KMT5B: variants seen among roughly 807,000 people sequenced by gnomAD.
The protein encoded by KMT5B is lysine methyltransferase 5B.
In KMT5B, 10 loss-of-function variants were observed where a neutral mutation model predicts 83.2. That is an observed-to-expected ratio of 0.12 (90% CI 0.07 to 0.20). KMT5B has a LOEUF of 0.20. Ranked by LOEUF, KMT5B falls within the 10% of genes least tolerant of loss-of-function variation. KMT5B has a pLI of 1.00. For missense variants in KMT5B, 753 were observed against 1,067.2 expected, an observed-to-expected ratio of 0.71 and a Z score of 4.10; for synonymous variants, 349 against 388.8, an observed-to-expected ratio of 0.90 and a Z score of 1.20.
In KMT5B at chr11:68,158,659, C is replaced by T; in HGVS notation, c.1687G>A (p.Gly563Ser). 1 of 1,614,076 alleles carries T rather than the reference C, an allele frequency of 6.2e-7. No individual in the cohort carries two copies. Among genetic ancestry groups the T allele is most frequent in the Non-Finnish European group, 8.5e-7 (1 of 1,180,028 alleles). The change falls in exon 11 of 11, where the codon GGC becomes AGC. Residue 563 changes from glycine to serine, a missense_variant. Transcript: ENST00000304363. ...GGTTCCGTCACACTGCTTTTATAGC[C>T]ATTCAACGTATTTGGTTCAAGCTTG... Reference protein sequence around the residue: ...DIKLEPNTLNGYKSSVTEPCP... With the variant: ...DIKLEPNTLNSYKSSVTEPCP...
At chr11:68,183,227 AAAC>A (rs1398668592) in intron 3 of KMT5B, among the ~76,000 whole-genome samples, 1 of 152,012 alleles carries the variant, frequency 6.6e-6, no homozygotes, top group Non-Finnish European at 1.5e-5. Flanking sequence ...AAAAAAAAAA[AAAC>A]AAAGAAAAAC....
chr11:68,184,040 A>G (rs1207447860), intron 3 of KMT5B, among the ~76,000 whole-genome samples: 1 of 152,056 alleles, frequency 6.6e-6, no homozygotes, highest in African/African-American at 2.4e-5. Context: ...CCATTCCAAT[A>G]TTTCACACTT....
chr11:68,164,230 A>T (rs1004141416), intron 10 of KMT5B, among the ~76,000 whole-genome samples: 2 of 152,226 alleles, frequency 1.3e-5, no homozygotes, highest in Non-Finnish European at 2.9e-5. Context: ...ACCTGTATGG[A>T]AATTTTTCTT....
At chr11:68,169,928 G>C (rs1175566007) in intron 9 of KMT5B, among the ~76,000 whole-genome samples, 1 of 151,518 alleles carries the variant, frequency 6.6e-6, no homozygotes, top group Non-Finnish European at 1.5e-5. Flanking sequence ...GCAGCACTAG[G>C]AACTGGTTTT....
At chr11:68,209,847 A>C (rs1241408039) in intron 1 of KMT5B, among the ~76,000 whole-genome samples, 1 of 150,530 alleles carries the variant, frequency 6.6e-6, no homozygotes, top group Non-Finnish European at 1.5e-5. Flanking sequence ...CCCCGGATCT[A>C]GGTACTGTTT....
At chr11:68,166,089 T>TCGGAATCGC (rs1275934138) in intron 10 of KMT5B, 3 of 1,493,620 alleles carry the variant, frequency 2.0e-6, no homozygotes, top group Non-Finnish European at 2.7e-6. Flanking sequence ...AGGCATACTT[T>TCGGAATCGC]CGGAATCGCC....
intron 10 of KMT5B, among the ~76,000 whole-genome samples, chr11:68,160,423 C>G (rs1854754835): frequency 6.6e-6 from 1 of 152,188 alleles, no homozygotes; most frequent in Non-Finnish European, 1.5e-5. Context: ...TCAAAACACT[C>G]CATTTACAGA....
At chr11:68,185,082 A>T in intron 3 of KMT5B, among the ~76,000 whole-genome samples, 1 of 152,232 alleles carries the variant, frequency 6.6e-6, no homozygotes, top group Non-Finnish European at 1.5e-5. Context: ...AACGTGTAAG[A>T]GAAAAGTCTA....
intron 1 of KMT5B, among the ~76,000 whole-genome samples, chr11:68,207,808 A>C (rs963074848): frequency 1.4e-5 from 2 of 147,476 alleles, no homozygotes; most frequent in African/African-American, 2.6e-5. Flanking sequence ...AAAAAAAAAC[A>C]AACCAAAAAA....
At position 68,166,560 on chromosome 11, in the gene KMT5B, T is replaced by A. The variant is rs1462810236; in HGVS notation, c.1174+422A>T. 4.0e-6 allele frequency: 4 copies of A among 1,009,930 alleles called. No individual in the cohort carries two copies. In the African/African-American group the frequency reaches 5.2e-5, roughly 13 times the overall value. 62.6% of individuals were successfully genotyped at this position (1,009,930 alleles called of 1,614,324 possible). ...AGGTGGAAGCCTTAAGGCCAGAAGC[T>A]ATGAATTCCCCAAGTCCATCATCTT... On this transcript the variant is annotated intron_variant, in intron 10 of 10. Transcript: ENST00000304363.
At chr11:68,195,296 C>G (rs1284847617) in intron 1 of KMT5B, among the ~76,000 whole-genome samples, 1 of 152,220 alleles carries the variant, frequency 6.6e-6, no homozygotes, top group East Asian at 1.9e-4. Flanking sequence ...TCTTACTAGG[C>G]AGTTGGTAAC....
chr11:68,182,044 C>G (rs1856985144), intron 3 of KMT5B, among the ~76,000 whole-genome samples: 1 of 152,204 alleles, frequency 6.6e-6, no homozygotes, highest in Non-Finnish European at 1.5e-5. Context: ...AAAATGATTT[C>G]TTCTGCAAGT....
chr11:68,189,760 A>C (rs1365795938), intron 2 of KMT5B, 157 bp downstream of exon 2: 2 of 602,800 alleles, frequency 3.3e-6, no homozygotes, highest in Admixed American at 3.3e-5. Flanking sequence ...TGAGAATAAA[A>C]ATTGACACAA....
intron 2 of KMT5B, among the ~76,000 whole-genome samples, chr11:68,187,968 C>T (rs916331261): frequency 1.2e-4 from 18 of 151,784 alleles, no homozygotes; most frequent in Admixed American, 6.6e-5. Context: ...CAACCTAGCC[C>T]TCTATATTTA....
At chr11:68,172,581 A>G (rs1855942763) in intron 6 of KMT5B, among the ~76,000 whole-genome samples, 2 of 152,194 alleles carry the variant, frequency 1.3e-5, no homozygotes, top group African/African-American at 4.8e-5. Context: ...AGTAGGTAAT[A>G]TAAGAACTAT....
At position 68,171,464 on chromosome 11, in the gene KMT5B, G is replaced by C; in HGVS notation, c.820+79C>G. On this transcript the variant is annotated intron_variant, in intron 7 of 10. Coordinates refer to ENST00000304363, the MANE Select transcript of KMT5B (RefSeq NM_017635.5). The surrounding 1 kb of genome is among the most constrained non-coding windows in gnomAD (Gnocchi z 5.1). ...CTCCTTTAAAGGAAGATAAAGGTTT[G>C]ACTGAGGTTGACAAGGCCATTCTAG... 6.9e-7 allele frequency: 1 copy of C among 1,445,202 alleles called. No homozygotes were observed. The allele number at this position is 1,445,202 out of a possible 1,614,324, so 89.5% of individuals were successfully genotyped here.
chr11:68,166,472 C>T (rs1855331250), intron 10 of KMT5B: 1 of 1,002,346 alleles, frequency 1.0e-6, no homozygotes. Context: ...AATTCTGAGT[C>T]TGGTACTGGT....
chr11:68,165,590 G>A, intron 10 of KMT5B: 3 of 404,430 alleles, frequency 7.4e-6, no homozygotes, highest in Non-Finnish European at 1.2e-5. Flanking sequence ...TCCCACCTCA[G>A]CCTCCCATGT....
At chr11:68,186,788 T>C (rs1332092375) in intron 2 of KMT5B, among the ~76,000 whole-genome samples, 2 of 152,136 alleles carry the variant, frequency 1.3e-5, no homozygotes, top group East Asian at 1.9e-4. Context: ...AAAACCAAAA[T>C]GGGGAAGAAT....
Sources: gnomAD v4.1 joint callset for allele counts (sites outside exome capture counted in the v4.1 genomes callset) on GRCh38, gnomAD v4.1.1 for gene constraint, Gnocchi (gnomAD v3.1) non-coding constraint, MANE v1.5 for transcripts, NCBI Gene and HGNC (gene_info 2026-07-23, HGNC 2026-07-21) for gene names.